Variants in DNMT1 observed in about 807,000 individuals in gnomAD.
DNMT1 encodes the protein DNA (cytosine-5)-methyltransferase 1.
A neutral mutation model predicts 205.3 loss-of-function variants in DNMT1; 24 were observed. That is an observed-to-expected ratio of 0.12 (90% CI 0.08 to 0.16). The LOEUF is 0.16. Ranked by LOEUF, DNMT1 falls within the 10% of genes least tolerant of loss-of-function variation. The probability of loss-of-function intolerance (pLI) is 1.00; values close to 1 mark genes in which losing one functional copy is unlikely to be tolerated. For synonymous variants in DNMT1, 817 were observed against 839.8 expected (o/e 0.97, Z 0.47); for missense variants, 1,293 against 2,177.7 (o/e 0.59, Z 8.09).
chr19:10,151,477 G>A lies in DNMT1; in HGVS notation c.2186C>T (p.Pro729Leu), dbSNP rs754509457. The A allele has an allele frequency of 7.4e-6, 12 of 1,613,898 alleles. No individual in the cohort carries two copies. The highest frequency in any genetic ancestry group is 3.3e-5 in the Admixed American group (2 of 59,984). ...CCCCTGGTGCATTTTTTTGGGTGAC[G>A]GCATCTCTGGGATGTTATCATCGAC... ...EEVDDNIPEM[P>L]SPKKMHQGKK... The change falls in exon 24 of 41, where the codon CCG becomes CTG. Residue 729 changes from proline (P) to leucine (L), a missense_variant. By Grantham distance (98) the Pro-to-Leu change is moderately conservative. Around this residue, in one of 13 missense-constraint regions of DNMT1, gnomAD observed 197 missense variants for 353.6 expected, o/e 0.56. Coordinates refer to ENST00000359526, the MANE Select transcript of DNMT1 (RefSeq NM_001130823.3). This position sits in a 1 kb window ranked among gnomAD's most constrained non-coding sequence, Gnocchi z 5.0.
chr19:10,167,010 T>C (rs2038709415), intron 10 of DNMT1, among the ~76,000 whole-genome samples: 1 of 152,012 alleles, frequency 6.6e-6, no homozygotes, highest in South Asian at 2.1e-4. Flanking sequence ...CCTGCCTAGG[T>C]TGAGAGCTGG....
intron 1 of DNMT1, among the ~76,000 whole-genome samples, chr19:10,189,436 T>A (rs77720241): frequency 1.3e-5 from 2 of 150,190 alleles, no homozygotes; most frequent in Non-Finnish European, 3.0e-5. Context: ...TTTTTTTTTT[T>A]TGAGACAGAG....
In DNMT1 at chr19:10,173,852, GT is replaced by G; in HGVS notation, c.683+18del. 7.4e-6 allele frequency: 12 copies of G among 1,613,344 alleles called. No homozygotes were observed. The highest frequency in any genetic ancestry group is 1.0e-5 in the Non-Finnish European group (12 of 1,179,404). The stretch of plus-strand genomic sequence containing the variant: ...CACAACTCGTAGAACAAAAAGAAAG[GT>G]ATAGTAACTATTCTTACCGTTCTCT... On this transcript the variant is annotated intron_variant, in intron 8 of 40. Coordinates refer to ENST00000359526, the MANE Select transcript of DNMT1 (RefSeq NM_001130823.3).
intron 1 of DNMT1, among the ~76,000 whole-genome samples, chr19:10,189,121 A>ATTTTT (rs3079979): frequency 6.3e-5 from 9 of 143,652 alleles, no homozygotes; most frequent in Non-Finnish European, 1.1e-4. Flanking sequence ...GACTCAGATG[A>ATTTTT]TTTTTTTTTT....
intron 1 of DNMT1, among the ~76,000 whole-genome samples, chr19:10,185,341 C>T (rs1032867750): frequency 6.6e-6 from 1 of 150,938 alleles, no homozygotes; most frequent in Non-Finnish European, 1.5e-5. Flanking sequence ...AGAAGAATGG[C>T]GTGAACCCGG....
At chr19:10,178,864 C>T (rs376973726) in intron 5 of DNMT1, among the ~76,000 whole-genome samples, 5 of 151,946 alleles carry the variant, frequency 3.3e-5, no homozygotes, top group East Asian at 3.9e-4. Flanking sequence ...CGGTGGCTCA[C>T]GCCTGTAATC....
chr19:10,141,845 C>G (rs1390454785), intron 30 of DNMT1, 183 bp downstream of exon 30: 3 of 646,742 alleles, frequency 4.6e-6, no homozygotes, highest in African/African-American at 1.8e-5. Flanking sequence ...ACAACTTGTG[C>G]TCTGGAGAAC....
In DNMT1 at chr19:10,137,321, C is replaced by G; in HGVS notation, c.4294-41G>C. ...GGGCCCAGCTGTCACCTCATGTGAG[C>G]AGCATCCGAGCATCCATGGTGGGCT... On this transcript the variant is annotated intron_variant, in intron 36 of 40. Transcript: ENST00000359526. The surrounding 1 kb of genome is among the most constrained non-coding windows in gnomAD (Gnocchi z 6.4). The G allele has an allele frequency of 1.3e-6, 2 of 1,569,104 alleles. No homozygotes were observed. Among genetic ancestry groups the G allele is most frequent in the Non-Finnish European group, 1.7e-6 (2 of 1,159,192 alleles).
Position 10,151,898 on chromosome 19 carries a change from GC to G in DNMT1, c.2020-52del. On this transcript the variant is annotated intron_variant, in intron 22 of 40. Coordinates refer to ENST00000359526, the MANE Select transcript of DNMT1 (RefSeq NM_001130823.3). This position sits in a 1 kb window ranked among gnomAD's most constrained non-coding sequence, Gnocchi z 5.0. ...ATCAGGGCTGGGCACAGTGGTTCAT[GC>G]CTGTAATCCCAGTATTTCAGAAGGC... 6.4e-7 allele frequency: 1 copy of G among 1,554,378 alleles called. No individual in the cohort carries two copies. Among genetic ancestry groups the G allele is most frequent in the Non-Finnish European group, 8.9e-7 (1 of 1,126,526 alleles).
rs2089512496 is a variant in DNMT1, at chr19:10,137,522, T to C, written c.4294-242A>G. 3.1e-6 allele frequency: 2 copies of C among 635,080 alleles called. No individual in the cohort carries two copies. Among genetic ancestry groups the C allele is most frequent in the Admixed American group, 2.8e-5 (1 of 35,770 alleles). The allele number at this position is 635,080 out of a possible 1,614,324, so 39.3% of individuals were successfully genotyped here. On this transcript the variant is annotated intron_variant, in intron 36 of 40. Coordinates refer to ENST00000359526, the MANE Select transcript of DNMT1 (RefSeq NM_001130823.3). The surrounding 1 kb of genome is among the most constrained non-coding windows in gnomAD (Gnocchi z 6.4). ...CTTTAGGGTGGGGGAAGGGGAGTGG[T>C]GCCAGGGGATGGTGAAAGGGCTGGT... is the stretch of plus-strand genomic sequence containing the variant.
rs2089597975 is a variant in DNMT1 at position 10,141,390 on chromosome 19, T to C, written c.3310-201A>G. 6.7e-6 allele frequency: 4 copies of C among 593,874 alleles called. No homozygotes were observed. In the Admixed American group the frequency reaches 1.1e-4, roughly 16 times the overall value. 36.8% of individuals were successfully genotyped at this position (593,874 alleles called of 1,614,324 possible). ...ATTTTATTAATACTAACATTTGATC[T>C]GGCTGACACTGAAATGCCTATTACA... is the stretch of plus-strand genomic sequence containing the variant. On this transcript the variant is annotated intron_variant, in intron 30 of 40. Transcript: ENST00000359526.
rs747636379 is a variant in DNMT1 at position 10,140,733 on chromosome 19, C to T, written c.3523+48G>A. ...GAAGTCGTTTCAGGTAGCACCTGCCCGGTCTGGGCTCACCAGGTATTCAGA... is the reference window on the plus strand; with the variant it reads ...GAAGTCGTTTCAGGTAGCACCTGCCTGGTCTGGGCTCACCAGGTATTCAGA... On this transcript the variant is annotated intron_variant, in intron 32 of 40. Coordinates refer to ENST00000359526, the MANE Select transcript of DNMT1 (RefSeq NM_001130823.3). The surrounding 1 kb of genome is among the most constrained non-coding windows in gnomAD (Gnocchi z 8.4). 8.6e-5 allele frequency: 139 copies of T among 1,613,682 alleles called. 1 individual carries two copies. Among genetic ancestry groups the T allele is most frequent in the Middle Eastern group, 3.3e-4 (2 of 6,052 alleles).
chr19:10,135,139 G>C (rs540258425), intron 39 of DNMT1, among the ~76,000 whole-genome samples: 18 of 151,658 alleles, frequency 1.2e-4, no homozygotes, highest in Admixed American at 2.6e-4. Context: ...TTAAAACCAG[G>C]GGGGTGGAAG....
intron 6 of DNMT1, among the ~76,000 whole-genome samples, chr19:10,177,039 G>A (rs980517302): frequency 2.0e-5 from 3 of 152,134 alleles, no homozygotes; most frequent in East Asian, 3.9e-4. Flanking sequence ...CTTGATAACT[G>A]TTGGCACTAG....
At chr19:10,148,151 TAATAA>T (rs2038242512) in intron 27 of DNMT1, among the ~76,000 whole-genome samples, 2 of 118,210 alleles carry the variant, frequency 1.7e-5, no homozygotes, top group South Asian at 2.5e-4. Context: ...AAAAAAATAA[TAATAA>T]AATAAAATAA....
chr19:10,136,997 C>T, intron 37 of DNMT1, 88 bp downstream of exon 37: 1 of 1,528,662 alleles, frequency 6.5e-7, no homozygotes, highest in South Asian at 1.2e-5. Flanking sequence ...CTGTGCCCTG[C>T]CCTGGCCTCC....
chr19:10,134,859 GAAA>G (rs58533694), intron 39 of DNMT1, among the ~76,000 whole-genome samples: 1 of 118,818 alleles, frequency 8.4e-6, no homozygotes, highest in African/African-American at 3.1e-5. Flanking sequence ...CCCTGTCTCA[GAAA>G]AAAAAAAAAA....
At position 10,160,387 on chromosome 19, in the gene DNMT1, T is replaced by G; in HGVS notation, c.1040A>C (p.Glu347Ala). 6.2e-7 allele frequency: 1 copy of G among 1,614,202 alleles called. No individual in the cohort carries two copies. The highest frequency in any genetic ancestry group is 8.5e-7 in the Non-Finnish European group (1 of 1,180,024). ...AATGTCAAGAATAAATTCTTACGGT[T>G]CTTTGGGGGTCGTTTTGCGTCTCTT... ...EEKRRKTTPK[E>A]PTEKKMARAK... Residue 347 changes from glutamate (E) to alanine (A), a missense_variant, in exon 14 of 41, where the codon GAA becomes GCA. Around this residue, in one of 13 missense-constraint regions of DNMT1, gnomAD observed 394 missense variants for 451.6 expected, o/e 0.87. Coordinates refer to ENST00000359526, the MANE Select transcript of DNMT1 (RefSeq NM_001130823.3).
Position 10,137,338 on chromosome 19 carries a change from T to C in DNMT1, c.4294-58A>G, listed in dbSNP as rs2089506255. On this transcript the variant is annotated intron_variant, in intron 36 of 40. Coordinates refer to ENST00000359526, the MANE Select transcript of DNMT1 (RefSeq NM_001130823.3). The surrounding 1 kb of genome is among the most constrained non-coding windows in gnomAD (Gnocchi z 6.4). ...CATGTGAGCAGCATCCGAGCATCCA[T>C]GGTGGGCTGGGAGCTGGGAACACCA... 3.2e-5 allele frequency: 49 copies of C among 1,549,022 alleles called. No homozygotes were observed. The highest frequency in any genetic ancestry group is 3.9e-5 in the Non-Finnish European group (45 of 1,147,620).
Sources: allele counts gnomAD v4.1 joint callset (sites outside exome capture counted in the v4.1 genomes callset), GRCh38; gene constraint gnomAD v4.1.1; regional missense constraint gnomAD v4.1.1; non-coding constraint Gnocchi (gnomAD v3.1); transcripts MANE v1.5; gene names NCBI Gene and HGNC (gene_info 2026-07-23, HGNC 2026-07-21).